The following RANBP2 variants were observed in gnomAD, a reference collection of about 807,000 sequenced individuals.
RANBP2 encodes RAN binding protein 2.
A neutral mutation model predicts 303.6 loss-of-function variants in RANBP2; 57 were observed. The ratio of observed to expected loss-of-function variants is 0.19; its 90% CI spans 0.15 to 0.23. The LOEUF (loss-of-function observed/expected upper bound fraction) is 0.23, where lower values mean the gene tolerates loss of function less well. Among genes scored for constraint, RANBP2 ranks in the 10% least tolerant of loss-of-function variants. RANBP2 has a pLI of 1.00. For missense variants in RANBP2, 3,138 were observed against 3,780.8 expected, an observed-to-expected ratio of 0.83 and a Z score of 4.46; for synonymous variants, 1,167 against 1,301.5, an observed-to-expected ratio of 0.90 and a Z score of 2.23.
the RANBP2 span, among the ~76,000 whole-genome samples, chr2:109,583,408 T>C: frequency 2.0e-5 from 3 of 152,136 alleles, no homozygotes; most frequent in Admixed American, 1.3e-4. Flanking sequence ...AACTCATCAT[T>C]AGAGAAATGC....
the RANBP2 span, among the ~76,000 whole-genome samples, chr2:109,200,953 G>C: frequency 2.0e-5 from 3 of 152,264 alleles, no homozygotes; most frequent in Admixed American, 2.0e-4. Context: ...AGTGGCCCGG[G>C]GCCCACCCAC....
chr2:109,415,904 C>T, the RANBP2 span, among the ~76,000 whole-genome samples: 7 of 152,090 alleles, frequency 4.6e-5, no homozygotes, highest in Non-Finnish European at 1.0e-4. Flanking sequence ...AATTAGGTCA[C>T]AAGGGCAAGG....
chr2:108,967,528 C>T, the RANBP2 span, among the ~76,000 whole-genome samples: 1 of 152,044 alleles, frequency 6.6e-6, no homozygotes, highest in African/African-American at 2.4e-5. Context: ...AAGAGGTTTA[C>T]AACAGTCTTG....
intron 25 of RANBP2, among the ~76,000 whole-genome samples, chr2:108,777,940 A>G (rs1375201480): frequency 6.6e-6 from 1 of 152,108 alleles, no homozygotes; most frequent in African/African-American, 2.4e-5. Flanking sequence ...TTCCTCCTCT[A>G]TATTTGCACT....
the RANBP2 span, among the ~76,000 whole-genome samples, chr2:109,328,965 T>C: frequency 6.6e-6 from 1 of 152,206 alleles, no homozygotes; most frequent in East Asian, 1.9e-4. Context: ...CTTGGCCACG[T>C]CCTTCCTCCC....
At chr2:109,320,814 G>T in the RANBP2 span, among the ~76,000 whole-genome samples, 1 of 152,216 alleles carries the variant, frequency 6.6e-6, no homozygotes, top group African/African-American at 2.4e-5. Flanking sequence ...ACATGGACAG[G>T]CAGAGTGGTC....
chr2:109,635,587 G>A, the RANBP2 span, among the ~76,000 whole-genome samples: 2 of 152,336 alleles, frequency 1.3e-5, no homozygotes, highest in East Asian at 3.9e-4. Flanking sequence ...TAGTTCATGA[G>A]GAGAGCCAGA....
chr2:109,596,477 C>G, the RANBP2 span, among the ~76,000 whole-genome samples: 11 of 152,028 alleles, frequency 7.2e-5, no homozygotes, highest in African/African-American at 2.7e-4. Flanking sequence ...ATTAGCCGAG[C>G]GTGCTGGCAG....
the RANBP2 span, chr2:108,929,171 G>A: frequency 5.0e-6 from 8 of 1,613,376 alleles, no homozygotes; most frequent in Non-Finnish European, 6.8e-6. Context: ...AAGCATGCCA[G>A]GGTTTGCCAG....
At chr2:109,203,563 C>T in the RANBP2 span, among the ~76,000 whole-genome samples, 1 of 152,138 alleles carries the variant, frequency 6.6e-6, no homozygotes, top group Non-Finnish European at 1.5e-5. Flanking sequence ...TGGGACTGCT[C>T]CATGTGGTTC....
chr2:109,054,625 G>A, the RANBP2 span, among the ~76,000 whole-genome samples: 1 of 151,774 alleles, frequency 6.6e-6, no homozygotes, highest in Non-Finnish European at 1.5e-5. Flanking sequence ...GCTTGAACTA[G>A]GGAGGTGGAG....
the RANBP2 span, among the ~76,000 whole-genome samples, chr2:108,995,929 G>C: frequency 6.6e-6 from 1 of 152,152 alleles, no homozygotes; most frequent in African/African-American, 2.4e-5. Flanking sequence ...ATGTCTTTCA[G>C]CCACTGTAGC....
At chr2:109,141,682 G>A in the RANBP2 span, 1 of 154,812 alleles carries the variant, frequency 6.5e-6, no homozygotes, top group Non-Finnish European at 1.5e-5. Context: ...TGACAGAAGA[G>A]TTAGGACCCA....
the RANBP2 span, among the ~76,000 whole-genome samples, chr2:108,999,481 T>C: frequency 6.6e-6 from 1 of 152,228 alleles, no homozygotes; most frequent in African/African-American, 2.4e-5. Flanking sequence ...CACATCTAAC[T>C]GAGCAAGGTG....
the RANBP2 span, among the ~76,000 whole-genome samples, chr2:109,707,041 G>A: frequency 3.3e-5 from 5 of 152,214 alleles, no homozygotes; most frequent in East Asian, 3.8e-4. Context: ...CTGGAGGGAC[G>A]AAAGGAGATA....
At chr2:109,060,477 G>A in the RANBP2 span, among the ~76,000 whole-genome samples, 122 of 152,244 alleles carry the variant, frequency 8.0e-4, no homozygotes, top group African/African-American at 2.6e-3. Context: ...AGAGAATCAG[G>A]ACCATCATAC....
chr2:108,905,829 C>A, the RANBP2 span, among the ~76,000 whole-genome samples: 1 of 150,472 alleles, frequency 6.6e-6, no homozygotes, highest in Non-Finnish European at 1.5e-5. Context: ...TATGGGGAGA[C>A]AGCCTGACTT....
At chr2:109,215,573 T>C in the RANBP2 span, among the ~76,000 whole-genome samples, 1 of 151,988 alleles carries the variant, frequency 6.6e-6, no homozygotes, top group African/African-American at 2.4e-5. Flanking sequence ...TCTGATGTAG[T>C]TTTTTGCCTG....
the RANBP2 span, among the ~76,000 whole-genome samples, chr2:109,538,939 G>A: frequency 6.6e-6 from 1 of 152,316 alleles, no homozygotes; most frequent in East Asian, 1.9e-4. Flanking sequence ...TACCACATTT[G>A]CAGTGATAAT....
Sources: gnomAD v4.1 joint callset for allele counts (sites outside exome capture counted in the v4.1 genomes callset) on GRCh38, gnomAD v4.1.1 for gene constraint, MANE v1.5 for transcripts, NCBI Gene and HGNC (gene_info 2026-07-23, HGNC 2026-07-21) for gene names.